The following COG7 variants were observed in gnomAD, a reference collection of about 807,000 sequenced individuals.
COG7 encodes the protein component of oligomeric golgi complex 7.
A neutral mutation model predicts 91.5 loss-of-function variants in COG7; 49 were observed. The ratio of observed to expected loss-of-function variants is 0.54; its 90% CI spans 0.43 to 0.68. The LOEUF is 0.68. Ranked by LOEUF, COG7 falls within the 30% of genes least tolerant of loss-of-function variation. COG7 has a pLI of 0.00. For missense variants in COG7, 895 were observed against 961.3 expected, an observed-to-expected ratio of 0.93 and a Z score of 0.91; for synonymous variants, 365 against 388.7, an observed-to-expected ratio of 0.94 and a Z score of 0.72.
At chr16:23,451,299 T>C (rs1426906508) in intron 1 of COG7, among the ~76,000 whole-genome samples, 3 of 152,216 alleles carry the variant, frequency 2.0e-5, no homozygotes, top group African/African-American at 7.2e-5. Context: ...GAGAGACTTG[T>C]GTGCAGTACG....
intron 16 of COG7, 69 bp from the exon 17 acceptor site, chr16:23,389,155 G>A: frequency 3.2e-6 from 5 of 1,567,054 alleles, no homozygotes. Flanking sequence ...AGCCCCACAG[G>A]GCCTCCCCTG....
At chr16:23,405,049 T>C (rs1027811106) in intron 12 of COG7, among the ~76,000 whole-genome samples, 1 of 152,212 alleles carries the variant, frequency 6.6e-6, no homozygotes, top group African/African-American at 2.4e-5. Flanking sequence ...GCCCACGGTC[T>C]TCTTATGACC....
chr16:23,430,911 C>T (rs1963923973), intron 6 of COG7, among the ~76,000 whole-genome samples: 1 of 151,860 alleles, frequency 6.6e-6, no homozygotes, highest in South Asian at 2.1e-4. Flanking sequence ...TGTCTGTAAT[C>T]CTAGCACTTT....
chr16:23,445,548 A>G (rs1964167722), intron 2 of COG7, among the ~76,000 whole-genome samples: 2 of 152,076 alleles, frequency 1.3e-5, no homozygotes, highest in African/African-American at 4.8e-5. Flanking sequence ...AGCTACTCAG[A>G]AGGCTGAGGC....
At chr16:23,402,159 G>A (rs939625755) in intron 13 of COG7, among the ~76,000 whole-genome samples, 14 of 152,110 alleles carry the variant, frequency 9.2e-5, no homozygotes, top group Admixed American at 2.6e-4. Flanking sequence ...ATTATATTGT[G>A]CATATCTTGT....
At chr16:23,435,308 A>G (rs1963997320) in intron 4 of COG7, among the ~76,000 whole-genome samples, 1 of 152,138 alleles carries the variant, frequency 6.6e-6, no homozygotes, top group Non-Finnish European at 1.5e-5. Flanking sequence ...CAGAGGTTGC[A>G]GTGAGCCAAG....
chr16:23,443,609 T>C (rs1964136070), intron 3 of COG7, among the ~76,000 whole-genome samples: 1 of 151,994 alleles, frequency 6.6e-6, no homozygotes, highest in South Asian at 2.1e-4. Context: ...GAGAATCGCT[T>C]GAACCCAGGA....
intron 4 of COG7, among the ~76,000 whole-genome samples, chr16:23,435,259 TG>T (rs1188783488): frequency 6.6e-6 from 1 of 151,830 alleles, no homozygotes; most frequent in Admixed American, 6.6e-5. Flanking sequence ...CCCAGCTCCT[TG>T]GGAGGCTGAG....
chr16:23,418,866 GA>G, intron 7 of COG7, 39 bp from the exon 8 acceptor site: 1 of 1,600,432 alleles, frequency 6.2e-7, no homozygotes, highest in Non-Finnish European at 8.6e-7. Context: ...AATGAACAAA[GA>G]ATCTGAAATT....
intron 12 of COG7, among the ~76,000 whole-genome samples, chr16:23,404,073 A>T (rs1178355988): frequency 1.3e-5 from 2 of 152,214 alleles, no homozygotes; most frequent in African/African-American, 4.8e-5. Context: ...TAGATTTTAA[A>T]TTCACTTTCC....
At chr16:23,433,129 T>C (rs926302627) in intron 6 of COG7, among the ~76,000 whole-genome samples, 2 of 152,184 alleles carry the variant, frequency 1.3e-5, no homozygotes, top group Non-Finnish European at 2.9e-5. Flanking sequence ...TTTGAGACAG[T>C]CTTGCTTGCT....
chr16:23,426,234 AAAAG>A (rs1251553761), intron 6 of COG7, among the ~76,000 whole-genome samples: 2 of 152,202 alleles, frequency 1.3e-5, no homozygotes, highest in Non-Finnish European at 2.9e-5. Flanking sequence ...AGAAACAAAG[AAAAG>A]AGAAGAACTG....
chr16:23,417,398 AT>A, intron 8 of COG7: 1 of 470,182 alleles, frequency 2.1e-6, no homozygotes, highest in East Asian at 4.3e-5. Context: ...TTTTTCTGTG[AT>A]TATTAAGATG....
rs80034665 is a variant in COG7 at position 23,431,275 on chromosome 16, G to A, written c.810+2270C>T. On this transcript the variant is annotated intron_variant, in intron 6 of 16. Transcript: ENST00000307149. ...TGCCCTGGCTCCTGTGTGCTATACC[G>A]ACCTTCAGGAGGGGACAGCCCAACT... 7.3e-3 allele frequency among the ~76,000 whole-genome samples: 1,116 copies of A among 152,192 alleles called. 18 individuals are homozygous for A. The highest frequency in any genetic ancestry group is 0.026 in the African/African-American group (1,064 of 41,524).
rs1596961591 is a variant in COG7 at position 23,449,602 on chromosome 16, A to G, written c.169+3224T>C. ...ACTAAAAATACAAAATTAGCCAGGC[A>G]TGGTGGCGCATGCCTATACACCCAG... is the stretch of plus-strand genomic sequence containing the variant. On this transcript the variant is annotated intron_variant, in intron 1 of 16. Transcript: ENST00000307149. Among the ~76,000 whole-genome samples, 4 of 147,718 alleles carry G rather than the reference A, an allele frequency of 2.7e-5. No homozygotes were observed. The South Asian group carries it at 6.5e-4, about 24-fold the overall frequency.
chr16:23,427,085 CA>C (rs970330261), intron 6 of COG7, among the ~76,000 whole-genome samples: 1 of 151,916 alleles, frequency 6.6e-6, no homozygotes, highest in Admixed American at 6.6e-5. Flanking sequence ...CCTGTCTCTA[CA>C]AAAAATGTTC....
rs140774267 is a variant in COG7, at chr16:23,416,822, T to C, written c.1292+145A>G. 5.2e-4 allele frequency: 464 copies of C among 898,648 alleles called. 2 individuals are homozygous for C. In the African/African-American group the frequency reaches 6.5e-3, roughly 13 times the overall value. The allele number at this position is 898,648 out of a possible 1,614,324, so 55.7% of individuals were successfully genotyped here. ...GTTCCACCATTACAAACAATGCCAC[T>C]ATGAATATCCTTAACAACATCCTCT... On this transcript the variant is annotated intron_variant, in intron 9 of 16. Transcript: ENST00000307149.
intron 16 of COG7, chr16:23,391,949 A>G: frequency 9.1e-7 from 1 of 1,093,648 alleles, no homozygotes; most frequent in Non-Finnish European, 1.1e-6. Flanking sequence ...ATGATGGAGA[A>G]GAGAGCACCC....
At chr16:23,413,245 A>G in intron 10 of COG7, 1 of 546,432 alleles carries the variant, frequency 1.8e-6, no homozygotes, top group Non-Finnish European at 3.3e-6. Flanking sequence ...ATATCTTAAG[A>G]GCTGGAGGGG....
Sources: gnomAD v4.1 joint callset for allele counts (sites outside exome capture counted in the v4.1 genomes callset) on GRCh38, gnomAD v4.1.1 for gene constraint, MANE v1.5 for transcripts, NCBI Gene and HGNC (gene_info 2026-07-23, HGNC 2026-07-21) for gene names.